The following ACSS3 variants were observed in gnomAD, a reference collection of about 807,000 sequenced individuals.
ACSS3 encodes acyl-CoA synthetase short-chain family member 3, mitochondrial.
ACSS3 carries 64 observed loss-of-function variants against 84.2 expected under a neutral mutation model. The ratio of observed to expected loss-of-function variants is 0.76; its 90% CI spans 0.62 to 0.94. The LOEUF is 0.94. Among genes scored for constraint, ACSS3 ranks in the 40% least tolerant of loss-of-function variants. The pLI, the probability that ACSS3 is intolerant of heterozygous loss-of-function variation, is 0.00. For missense variants in ACSS3, 815 were observed against 867.6 expected (o/e 0.94, Z 0.76); for synonymous variants, 317 against 310.1 (o/e 1.02, Z -0.23).
chr12:81,149,184 G>C (rs542810057), intron 5 of ACSS3, among the ~76,000 whole-genome samples: 1 of 152,190 alleles, frequency 6.6e-6, no homozygotes, highest in South Asian at 2.1e-4. Flanking sequence ...CTGGTATTGA[G>C]TATTTTTACT....
intron 1 of ACSS3, among the ~76,000 whole-genome samples, chr12:81,107,539 T>TAC (rs1883157630): frequency 8.5e-6 from 1 of 117,030 alleles, no homozygotes; most frequent in South Asian, 2.8e-4. Context: ...TATATATATA[T>TAC]ATATATATAT....
In ACSS3 at chr12:81,078,120, G is replaced by A. The variant is rs756712704; in HGVS notation, c.-1G>A. 1.1e-5 allele frequency: 16 copies of A among 1,475,938 alleles called. No individual in the cohort carries two copies. The Admixed American group carries it at 3.9e-4, about 36-fold the overall frequency. 91.4% of individuals were successfully genotyped at this position (1,475,938 alleles called of 1,614,324 possible). A position where few individuals can be genotyped will look rare whatever the true frequency, so the allele number is the denominator to read the frequency against. On this transcript the variant is annotated 5_prime_UTR_variant, in exon 1 of 16. Coordinates refer to ENST00000548058, the MANE Select transcript of ACSS3 (RefSeq NM_024560.4). ...TCGGGGACCGCGGGTGGCCGGAGGA[G>A]ATGAAACCGTCTTGGCTGCAGTGTC...
intron 1 of ACSS3, among the ~76,000 whole-genome samples, chr12:81,081,788 G>A (rs902140511): frequency 1.3e-5 from 2 of 152,120 alleles, no homozygotes; most frequent in African/African-American, 4.8e-5. Context: ...AACCAAAAAG[G>A]AAAAGACTAA....
intron 9 of ACSS3, among the ~76,000 whole-genome samples, chr12:81,214,451 A>C (rs2032823913): frequency 6.6e-6 from 1 of 152,198 alleles, no homozygotes; most frequent in Non-Finnish European, 1.5e-5. Context: ...ATGAATAATC[A>C]TTTTCAGCAC....
chr12:81,259,789 C>A lies in ACSS3; in HGVS notation c.*4867C>A. Reference sequence around the variant, plus strand: ...TCCTAGAAGATCATGAGAAGGAAATCATCTAGGATGTAGCCAACAGCCGTA... The same window carrying A: ...TCCTAGAAGATCATGAGAAGGAAATAATCTAGGATGTAGCCAACAGCCGTA... On this transcript the variant is annotated 3_prime_UTR_variant, in exon 16 of 16. Transcript: ENST00000548058. The A allele has an allele frequency of 1.4e-6, 1 of 704,124 alleles. No individual in the cohort carries two copies. Among genetic ancestry groups the A allele is most frequent in the Non-Finnish European group, 2.3e-6 (1 of 443,440 alleles). The allele number at this position is 704,124 out of a possible 1,614,324, so 43.6% of individuals were successfully genotyped here. A position where few individuals can be genotyped will look rare whatever the true frequency, so the allele number is the denominator to read the frequency against.
chr12:81,133,096 A>G (rs1006734373), intron 2 of ACSS3, among the ~76,000 whole-genome samples: 3 of 137,452 alleles, frequency 2.2e-5, no homozygotes, highest in African/African-American at 8.0e-5. Flanking sequence ...AATATAAAGT[A>G]GAATAAAACA....
chr12:81,175,588 C>G (rs12300491), intron 8 of ACSS3, among the ~76,000 whole-genome samples: 2 of 152,062 alleles, frequency 1.3e-5, no homozygotes, highest in Non-Finnish European at 2.9e-5. Context: ...GAGAAATACT[C>G]TAAAATCTAC....
chr12:81,255,216 G>A lies in ACSS3; in HGVS notation c.*294G>A, dbSNP rs532975058. 1.3e-4 allele frequency: 28 copies of A among 209,304 alleles called. 1 individual carries two copies. The highest frequency in any genetic ancestry group is 6.2e-4 in the African/African-American group (27 of 43,532). 13.0% of individuals were successfully genotyped at this position (209,304 alleles called of 1,614,324 possible). A position where few individuals can be genotyped will look rare whatever the true frequency, so the allele number is the denominator to read the frequency against. On this transcript the variant is annotated 3_prime_UTR_variant, in exon 16 of 16. Transcript: ENST00000548058. ...TTATTTTTAAAATTGTACCTCCCAA[G>A]AAGAACACTTTAATTGAAAGCAACA...
chr12:81,248,577 A>G (rs1210572953), intron 13 of ACSS3, among the ~76,000 whole-genome samples: 27 of 152,124 alleles, frequency 1.8e-4, no homozygotes, highest in Non-Finnish European at 1.5e-5. Context: ...GTGAAAGGAC[A>G]TGAAAAGAGA....
intron 11 of ACSS3, among the ~76,000 whole-genome samples, chr12:81,227,408 C>CAT (rs2033307021): frequency 1.3e-5 from 2 of 151,514 alleles, no homozygotes; most frequent in Non-Finnish European, 2.9e-5. Context: ...TACACACACA[C>CAT]ACACACACAC....
At chr12:81,176,563 A>G (rs2030493581) in intron 8 of ACSS3, among the ~76,000 whole-genome samples, 1 of 151,894 alleles carries the variant, frequency 6.6e-6, no homozygotes, top group Non-Finnish European at 1.5e-5. Context: ...ACAGAATGAG[A>G]CTCCATTACA....
At chr12:81,240,906 T>C (rs562234231) in intron 13 of ACSS3, among the ~76,000 whole-genome samples, 89 of 152,194 alleles carry the variant, frequency 5.8e-4, no homozygotes, top group Middle Eastern at 3.4e-3. Flanking sequence ...TACATATGTA[T>C]ACATGTGACA....
intron 9 of ACSS3, among the ~76,000 whole-genome samples, chr12:81,214,851 T>G (rs2032843618): frequency 6.6e-6 from 1 of 152,204 alleles, no homozygotes; most frequent in Non-Finnish European, 1.5e-5. Context: ...TTAATAAGAA[T>G]ACTTCTAAAA....
rs963896786 is a variant in ACSS3, at chr12:81,199,409, T to C, written c.1319T>C (p.Phe440Ser). Residue 440 changes from phenylalanine (F) to serine (S), a missense_variant, in exon 9 of 16, where the codon TTC becomes TCC. Physicochemically the swap from Phe to Ser is radical, Grantham distance 155 (BLOSUM62 -2). Transcript: ENST00000548058. ...ACCCTGGAATGGTCCAAAAATGTCT[T>C]CAGAGTACCTGTCTTAGACCATTGG... ...VETLEWSKNVFRVPVLDHWWQ... is the reference protein window; with the variant it reads ...VETLEWSKNVSRVPVLDHWWQ... The C allele has an allele frequency of 2.2e-5, 36 of 1,613,610 alleles. No homozygotes were observed. Among genetic ancestry groups the C allele is most frequent in the Non-Finnish European group, 2.6e-5 (31 of 1,179,754 alleles).
chr12:81,174,682 A>T, intron 7 of ACSS3, 106 bp from the exon 8 acceptor site: 1 of 1,191,548 alleles, frequency 8.4e-7, no homozygotes, highest in Non-Finnish European at 1.1e-6. Flanking sequence ...AGATTTGTTG[A>T]AAACCCCTTA....
At position 81,147,866 on chromosome 12, in the gene ACSS3, T is replaced by TACAC. The variant is rs149709961; in HGVS notation, c.922-3960_922-3957dup. Among the ~76,000 whole-genome samples, 985 of 149,014 alleles carry TACAC rather than the reference T, an allele frequency of 6.6e-3. 7 individuals are homozygous for TACAC. The highest frequency in any genetic ancestry group is 0.022 in the African/African-American group (903 of 40,720). On this transcript the variant is annotated intron_variant, in intron 5 of 15. Coordinates refer to ENST00000548058, the MANE Select transcript of ACSS3 (RefSeq NM_024560.4). ...ATTGTTTCTTGTCAGGCTGAATTGA[T>TACAC]ACACACACACACACACACACAAACG...
chr12:81,145,025 C>A (rs1361029749), intron 5 of ACSS3, among the ~76,000 whole-genome samples: 1 of 149,652 alleles, frequency 6.7e-6, no homozygotes, highest in Admixed American at 6.6e-5. Context: ...CTTAGCCCCC[C>A]GAGTAGCTGG....
Position 81,108,267 on chromosome 12 carries a change from T to A in ACSS3, c.312-1293T>A, listed in dbSNP as rs200673782. On this transcript the variant is annotated intron_variant, in intron 1 of 15. Coordinates refer to ENST00000548058, the MANE Select transcript of ACSS3 (RefSeq NM_024560.4). Reference sequence around the variant, plus strand: ...TGTGGCTATTATTATTATTATTAATTATTATTATTATTATTATTATTGTTA... The same window carrying A: ...TGTGGCTATTATTATTATTATTAATAATTATTATTATTATTATTATTGTTA... 2.2e-3 allele frequency among the ~76,000 whole-genome samples: 231 copies of A among 104,878 alleles called. 1 individual carries two copies. Among genetic ancestry groups the A allele is most frequent in the African/African-American group, 3.9e-3 (102 of 25,832 alleles). 68.8% of individuals were successfully genotyped at this position (104,878 alleles called of 152,430 possible). A position where few individuals can be genotyped will look rare whatever the true frequency, so the allele number is the denominator to read the frequency against.
intron 11 of ACSS3, among the ~76,000 whole-genome samples, chr12:81,224,866 G>T (rs1232006568): frequency 6.6e-6 from 1 of 151,784 alleles, no homozygotes; most frequent in Non-Finnish European, 1.5e-5. Context: ...TTGGTTATCA[G>T]ATCGGCTGTC....
Sources: allele counts gnomAD v4.1 joint callset (sites outside exome capture counted in the v4.1 genomes callset), GRCh38; gene constraint gnomAD v4.1.1; transcripts MANE v1.5; gene names NCBI Gene and HGNC (gene_info 2026-07-23, HGNC 2026-07-21).